The following SEZ6L2 variants were observed in gnomAD, a reference collection of about 807,000 sequenced individuals.
The protein encoded by SEZ6L2 is seizure 6-like protein 2.
In SEZ6L2, 44 loss-of-function variants were observed where a neutral mutation model predicts 97.0. The observed-to-expected ratio is 0.45, with a 90% CI of 0.36 to 0.58. The LOEUF is 0.58. SEZ6L2 is among the 20% of genes least tolerant of loss of function. The pLI is 0.00. For missense variants in SEZ6L2, 1,086 were observed against 1,233.3 expected (o/e 0.88, Z 1.79); for synonymous variants, 543 against 546.1 (o/e 0.99, Z 0.08).
chr16:29,899,107 ATTGTTT>A lies in SEZ6L2; in HGVS notation c.-94_-89del. ...CCGTCTCCGTTTATCTTTCCCTTTA[ATTGTTT>A]TTTTTTTTTTTTTTTTTTTCCTCGT... On this transcript the variant is annotated 5_prime_UTR_variant, in exon 1 of 18. Coordinates refer to ENST00000617533, the MANE Select transcript of SEZ6L2 (RefSeq NM_001243332.2). 2 of 688,558 alleles carry A rather than the reference ATTGTTT, an allele frequency of 2.9e-6. No homozygotes were observed. Among genetic ancestry groups the A allele is most frequent in the Non-Finnish European group, 4.5e-6 (2 of 447,236 alleles). The allele number at this position is 688,558 out of a possible 1,614,324, so 42.7% of individuals were successfully genotyped here.
intron 1 of SEZ6L2, 97 bp downstream of exon 1, chr16:29,898,844 C>T: frequency 4.3e-6 from 4 of 940,504 alleles, no homozygotes; most frequent in Middle Eastern, 2.4e-4. Flanking sequence ...TCCCCTCCCC[C>T]ATGTGCTCGG....
At chr16:29,888,773 C>A in intron 5 of SEZ6L2, 48 bp from the exon 6 acceptor site, 1 of 1,515,334 alleles carries the variant, frequency 6.6e-7, no homozygotes, top group South Asian at 1.2e-5. Flanking sequence ...CCCATGCCAC[C>A]CTCTCATACT....
intron 17 of SEZ6L2, 83 bp downstream of exon 17, chr16:29,872,102 CAG>C (rs1220167709): frequency 5.2e-6 from 6 of 1,143,552 alleles, no homozygotes; most frequent in African/African-American, 1.6e-5. Context: ...ATTCCCAAGA[CAG>C]AGATTCCAGA....
intron 1 of SEZ6L2, among the ~76,000 whole-genome samples, chr16:29,898,666 C>T (rs894034577): frequency 2.0e-5 from 3 of 152,174 alleles, no homozygotes; most frequent in African/African-American, 7.2e-5. Context: ...CTGCCGCCTC[C>T]GCAGACATCC....
In SEZ6L2 at chr16:29,895,743, G is replaced by A. The variant is rs775791060; in HGVS notation, c.629C>T (p.Pro210Leu). ...TACCTGGATCTCAATGCCGTAGCCA[G>A]GGTAGACATGGATGCTGTAAGTGCA... ...LDCTYSIHVYPGYGIEIQVQT... is the reference protein window; with the variant it reads ...LDCTYSIHVYLGYGIEIQVQT... Residue 210 changes from proline to leucine, a missense_variant, in exon 4 of 18, where the codon CCT (proline) becomes CTT (leucine). Pro to Leu is a moderately conservative substitution (Grantham distance 98). Coordinates refer to ENST00000617533, the MANE Select transcript of SEZ6L2 (RefSeq NM_001243332.2). The A allele has an allele frequency of 8.1e-6, 13 of 1,613,882 alleles. No individual in the cohort carries two copies. Among genetic ancestry groups the A allele is most frequent in the Non-Finnish European group, 1.1e-5 (13 of 1,179,934 alleles).
chr16:29,895,945 C>G (rs995842973), intron 3 of SEZ6L2, 85 bp from the exon 4 acceptor site: 17 of 1,358,528 alleles, frequency 1.3e-5, no homozygotes, highest in Non-Finnish European at 1.6e-5. Flanking sequence ...CATCTCCCTT[C>G]TCCTTAGCAC....
intron 5 of SEZ6L2, among the ~76,000 whole-genome samples, chr16:29,892,830 G>A (rs2068298155): frequency 6.6e-6 from 1 of 152,196 alleles, no homozygotes; most frequent in South Asian, 2.1e-4. Flanking sequence ...CTTTCCTCAT[G>A]CACACATGTC....
intron 12 of SEZ6L2, among the ~76,000 whole-genome samples, chr16:29,875,661 C>CTT (rs149293940): frequency 0.21 from 23,948 of 112,160 alleles, 3,732 homozygotes; most frequent in Non-Finnish European, 0.28. Context: ...TTCTTTCTTT[C>CTT]TTTCTTTTTT....
At position 29,896,849 on chromosome 16, in the gene SEZ6L2, T is replaced by C. The variant is rs753833828; in HGVS notation, c.484A>G (p.Thr162Ala). The C allele has an allele frequency of 5.6e-6, 9 of 1,613,930 alleles. No individual in the cohort carries two copies. In the East Asian group the frequency reaches 1.6e-4, roughly 28 times the overall value. ...GGGCTGGTCACCGTAGTGGTAACAGTTGTCGTGGTGATGATGGTGGTCGTC... is the reference window on the plus strand; with the variant it reads ...GGGCTGGTCACCGTAGTGGTAACAGCTGTCGTGGTGATGATGGTGGTCGTC... ...ETTTTIITTT[T>A]VTTTVTSPVL... The change falls in exon 3 of 18, where the codon ACT becomes GCT. Residue 162 changes from threonine (T) to alanine (A), a missense_variant. By Grantham distance (58) the Thr-to-Ala change is moderately conservative (BLOSUM62 0). Coordinates refer to ENST00000617533, the MANE Select transcript of SEZ6L2 (RefSeq NM_001243332.2).
intron 6 of SEZ6L2, among the ~76,000 whole-genome samples, chr16:29,888,083 G>A (rs1035458708): frequency 5.3e-5 from 8 of 152,086 alleles, no homozygotes; most frequent in Non-Finnish European, 1.0e-4. Context: ...CTCCAACTGC[G>A]GATACTCTAG....
Position 29,895,762 on chromosome 16 carries a change from A to C in SEZ6L2, c.610T>G (p.Tyr204Asp), listed in dbSNP as rs2068372676. 6.2e-7 allele frequency: 1 copy of C among 1,613,992 alleles called. No individual in the cohort carries two copies. Among genetic ancestry groups the C allele is most frequent in the Non-Finnish European group, 8.5e-7 (1 of 1,180,004 alleles). ...TAGCCAGGGTAGACATGGATGCTGT[A>C]AGTGCAGTCCAGGAGCCCCAGGGTG... ...SRTLGLLDCT[Y>D]SIHVYPGYGI... The change falls in exon 4 of 18, where the codon TAC (tyrosine) becomes GAC (aspartate). Residue 204 changes from tyrosine (Y) to aspartate (D), a missense_variant. Tyr to Asp is a radical substitution (Grantham distance 160, BLOSUM62 -3). Around this residue, in one of 2 missense-constraint regions of SEZ6L2, gnomAD observed 776 missense variants for 794.7 expected, o/e 0.98. Coordinates refer to ENST00000617533, the MANE Select transcript of SEZ6L2 (RefSeq NM_001243332.2).
At position 29,878,553 on chromosome 16, in the gene SEZ6L2, T is replaced by C. The variant is rs569344677; in HGVS notation, c.1574-128A>G. ...TGTTTCCTATTACCTATGATCCACC[T>C]GTTTCTTTTATTCTTTTATTTTATT... On this transcript the variant is annotated intron_variant, in intron 9 of 17. Transcript: ENST00000617533. 1.3e-5 allele frequency: 8 copies of C among 621,886 alleles called. No individual in the cohort carries two copies. In the East Asian group the frequency reaches 1.7e-4, roughly 13 times the overall value. 38.5% of individuals were successfully genotyped at this position (621,886 alleles called of 1,614,324 possible).
intron 9 of SEZ6L2, among the ~76,000 whole-genome samples, chr16:29,878,810 T>G (rs1287573649): frequency 6.6e-6 from 1 of 150,676 alleles, no homozygotes; most frequent in African/African-American, 2.4e-5. Context: ...TTTTACGGTG[T>G]TAGCCAGAAT....
chr16:29,880,460 T>C (rs890134933), intron 8 of SEZ6L2, among the ~76,000 whole-genome samples: 2 of 152,052 alleles, frequency 1.3e-5, no homozygotes, highest in South Asian at 2.1e-4. Context: ...GCTGGGATTA[T>C]AGGCATGTGC....
In SEZ6L2 at chr16:29,879,918, C is replaced by T. The variant is rs139011711; in HGVS notation, c.1519G>A (p.Glu507Lys). Residue 507 changes from glutamate to lysine, a missense_variant, in exon 9 of 18, where the codon GAA (glutamate) becomes AAA (lysine). Glu to Lys is a moderately conservative substitution (Grantham distance 56, BLOSUM62 1). This residue lies in a region of SEZ6L2 where 776 missense variants were observed against 794.7 expected (regional missense o/e 0.98). Transcript: ENST00000617533. ...LEPPGPPNAI[E>K]CVDPTEPHWN... ...TGGGGTTCTGTGGGATCCACACATT[C>T]GATGGCATTGGGGGGCCCAGGGGGC... The T allele has an allele frequency of 2.7e-5, 44 of 1,613,818 alleles. No homozygotes were observed. The highest frequency in any genetic ancestry group is 1.7e-4 in the Middle Eastern group (1 of 6,060).
At chr16:29,871,806 G>T in intron 17 of SEZ6L2, 78 bp from the exon 18 acceptor site, 1 of 1,339,518 alleles carries the variant, frequency 7.5e-7, no homozygotes. Context: ...GAGGGGCAAC[G>T]ATCCTGGGTT....
At chr16:29,897,664 G>C (rs905088399) in intron 2 of SEZ6L2, among the ~76,000 whole-genome samples, 189 bp downstream of exon 2, 2 of 151,978 alleles carry the variant, frequency 1.3e-5, no homozygotes, top group Non-Finnish European at 1.5e-5. Context: ...TGTCTCTCTG[G>C]TTCTGTCTGT....
chr16:29,877,746 C>T (rs2067942111), intron 10 of SEZ6L2, among the ~76,000 whole-genome samples: 1 of 152,222 alleles, frequency 6.6e-6, no homozygotes, highest in Non-Finnish European at 1.5e-5. Context: ...ACTCCCTCCT[C>T]CATCACCATG....
chr16:29,881,579 G>GTAAGT (rs2068029769), intron 8 of SEZ6L2, among the ~76,000 whole-genome samples: 1 of 145,160 alleles, frequency 6.9e-6, no homozygotes, highest in South Asian at 2.2e-4. Flanking sequence ...AAAACTCCCT[G>GTAAGT]TAAGTTAAGA....
Sources: gnomAD v4.1 joint callset for allele counts (sites outside exome capture counted in the v4.1 genomes callset) on GRCh38, gnomAD v4.1.1 for gene constraint, gnomAD v4.1.1 regional missense constraint, MANE v1.5 for transcripts, NCBI Gene and HGNC (gene_info 2026-07-23, HGNC 2026-07-21) for gene names.